Variants in DYM observed in about 807,000 individuals in gnomAD.
The protein encoded by DYM is dymeclin.
DYM carries 78 observed loss-of-function variants against 93.1 expected under a neutral mutation model. The ratio of observed to expected loss-of-function variants is 0.84; its 90% CI spans 0.70 to 1.01. The LOEUF (loss-of-function observed/expected upper bound fraction) is 1.01, where lower values mean the gene tolerates loss of function less well. DYM is among the 50% of genes least tolerant of loss of function. The probability of loss-of-function intolerance (pLI) is 0.00; values close to 1 mark genes in which losing one functional copy is unlikely to be tolerated. For synonymous variants in DYM, 321 were observed against 319.7 expected, an observed-to-expected ratio of 1.00 and a Z score of -0.04; for missense variants, 789 against 845.0, an observed-to-expected ratio of 0.93 and a Z score of 0.82.
At chr18:49,242,075 C>T (rs533935126) in intron 13 of DYM, among the ~76,000 whole-genome samples, 1 of 152,164 alleles carries the variant, frequency 6.6e-6, no homozygotes, top group East Asian at 1.9e-4. Flanking sequence ...TGCTCTCACC[C>T]CACCCCACCA....
At chr18:49,433,393 A>G (rs1330206437) in intron 1 of DYM, among the ~76,000 whole-genome samples, 2 of 152,242 alleles carry the variant, frequency 1.3e-5, no homozygotes, top group East Asian at 1.9e-4. Flanking sequence ...CAACATTTAT[A>G]TAATCACTAT....
At chr18:49,073,045 A>T (rs188459447) in intron 17 of DYM, among the ~76,000 whole-genome samples, 106 of 152,348 alleles carry the variant, frequency 7.0e-4, no homozygotes, top group African/African-American at 2.1e-3. Flanking sequence ...GAGTTGGGAA[A>T]ATGTAATGTA....
chr18:49,104,509 T>C (rs1040159559), intron 16 of DYM, among the ~76,000 whole-genome samples: 2 of 152,202 alleles, frequency 1.3e-5, no homozygotes, highest in African/African-American at 4.8e-5. Context: ...AAGGGAATGC[T>C]TCCAGTTTTT....
chr18:49,096,969 A>G (rs2079601597), intron 17 of DYM, among the ~76,000 whole-genome samples: 1 of 152,170 alleles, frequency 6.6e-6, no homozygotes, highest in South Asian at 2.1e-4. Flanking sequence ...GGATGATACC[A>G]CTACCCACCG....
chr18:49,291,381 C>T (rs527497118), intron 8 of DYM, among the ~76,000 whole-genome samples: 2 of 152,214 alleles, frequency 1.3e-5, no homozygotes, highest in African/African-American at 4.8e-5. Flanking sequence ...TATGAATAGC[C>T]TAAATATGTA....
chr18:49,241,940 T>C (rs2094021616), intron 13 of DYM, among the ~76,000 whole-genome samples: 1 of 152,260 alleles, frequency 6.6e-6, no homozygotes, highest in Admixed American at 6.5e-5. Flanking sequence ...GTTTCTACGA[T>C]AAGTCACCTT....
intron 8 of DYM, among the ~76,000 whole-genome samples, chr18:49,300,547 T>G (rs745950885): frequency 1.3e-5 from 2 of 151,858 alleles, no homozygotes; most frequent in Non-Finnish European, 2.9e-5. Flanking sequence ...TTAGAGTAAG[T>G]TGATGTTCGT....
At chr18:49,157,890 G>C (rs950527852) in intron 15 of DYM, among the ~76,000 whole-genome samples, 7 of 152,150 alleles carry the variant, frequency 4.6e-5, no homozygotes, top group Non-Finnish European at 1.0e-4. Flanking sequence ...TATAATGTTG[G>C]CTCTGACATT....
In DYM at chr18:49,037,301, T is replaced by A. The variant is rs1238175199; in HGVS notation, c.*6754A>T. On this transcript the variant is annotated 3_prime_UTR_variant, in exon 18 of 18. Transcript: ENST00000675505. Reference sequence around the variant, plus strand: ...ATTTTTGGGTTTCATGTGCTGTTTTTAAAATTTTTGAGGTAATTGCTTAAT... The same window carrying A: ...ATTTTTGGGTTTCATGTGCTGTTTTAAAAATTTTTGAGGTAATTGCTTAAT... 6.6e-6 allele frequency among the ~76,000 whole-genome samples: 1 copy of A among 152,208 alleles called. No individual in the cohort carries two copies. Among genetic ancestry groups the A allele is most frequent in the African/African-American group, 2.4e-5 (1 of 41,448 alleles).
intron 13 of DYM, 66 bp from the exon 14 acceptor site, chr18:49,209,781 T>C (rs1178078419): frequency 9.3e-7 from 1 of 1,078,858 alleles, no homozygotes; most frequent in East Asian, 6.7e-5. Flanking sequence ...AAATAAATCA[T>C]TTTTTATGTC....
chr18:49,390,751 C>T (rs1435739270), intron 3 of DYM: 4 of 152,278 alleles, frequency 2.6e-5, no homozygotes, highest in South Asian at 4.2e-4. Context: ...GTGATCCACT[C>T]GCATCAGCCT....
chr18:49,314,778 G>A lies in DYM; in HGVS notation c.763+17086C>T, dbSNP rs529097063. 2.0e-5 allele frequency among the ~76,000 whole-genome samples: 3 copies of A among 152,298 alleles called. No individual in the cohort carries two copies. The East Asian group carries it at 5.8e-4, about 29-fold the overall frequency. On this transcript the variant is annotated intron_variant, in intron 8 of 17. Coordinates refer to ENST00000675505, the MANE Select transcript of DYM (RefSeq NM_001353214.3). ...ACACAGAACCAGCAGGGGGAATTCAGACATTCATATCGTATGATTGGCTTC... is the reference window on the plus strand; with the variant it reads ...ACACAGAACCAGCAGGGGGAATTCAAACATTCATATCGTATGATTGGCTTC...
chr18:49,225,334 GA>G (rs2093492337), intron 13 of DYM, among the ~76,000 whole-genome samples: 1 of 152,110 alleles, frequency 6.6e-6, no homozygotes, highest in South Asian at 2.1e-4. Flanking sequence ...CACAACCCTT[GA>G]ATCATTTCAT....
rs545213637 is a variant in DYM, at chr18:49,115,225, G to A, written c.1911+3519C>T. Among the ~76,000 whole-genome samples, 15 of 152,260 alleles carry A rather than the reference G, an allele frequency of 9.9e-5. No individual in the cohort carries two copies. In the South Asian group the frequency reaches 2.5e-3, roughly 25 times the overall value. On this transcript the variant is annotated intron_variant, in intron 16 of 17. Coordinates refer to ENST00000675505, the MANE Select transcript of DYM (RefSeq NM_001353214.3). ...GTGATGATTAGAAAAGAAGCAAATG[G>A]CTTTTGATGTGGTTTAAATAAAATG... is the stretch of plus-strand genomic sequence containing the variant.
chr18:49,104,948 C>CT (rs1294029008), intron 16 of DYM, among the ~76,000 whole-genome samples: 5 of 152,188 alleles, frequency 3.3e-5, no homozygotes, highest in Non-Finnish European at 5.9e-5. Flanking sequence ...AGGATTCCCT[C>CT]TTTTTCTATT....
chr18:49,325,530 T>A (rs2062818855), intron 8 of DYM, among the ~76,000 whole-genome samples: 1 of 152,130 alleles, frequency 6.6e-6, no homozygotes, highest in Non-Finnish European at 1.5e-5. Context: ...GAGCAAATCT[T>A]GGCTGTAATT....
intron 17 of DYM, among the ~76,000 whole-genome samples, chr18:49,050,787 G>A (rs2072336905): frequency 6.6e-6 from 1 of 152,080 alleles, no homozygotes; most frequent in South Asian, 2.1e-4. Context: ...CAGTGCAATT[G>A]GTGCTTCTCT....
chr18:49,424,602 A>T (rs2074074590), intron 2 of DYM, among the ~76,000 whole-genome samples: 1 of 152,044 alleles, frequency 6.6e-6, no homozygotes, highest in Admixed American at 6.6e-5. Flanking sequence ...AGAGGAAGTC[A>T]AATTATCTCT....
chr18:49,129,506 T>C (rs561002393), intron 15 of DYM, among the ~76,000 whole-genome samples: 24 of 152,332 alleles, frequency 1.6e-4, no homozygotes, highest in African/African-American at 5.3e-4. Flanking sequence ...TGGCTGAGCA[T>C]GCAAGGAAGA....
Sources: allele counts gnomAD v4.1 joint callset (sites outside exome capture counted in the v4.1 genomes callset), GRCh38; gene constraint gnomAD v4.1.1; transcripts MANE v1.5; gene names NCBI Gene and HGNC (gene_info 2026-07-23, HGNC 2026-07-21).